KSR2: variants seen among roughly 807,000 people sequenced by gnomAD.
KSR2 encodes the protein kinase suppressor of ras 2.
A neutral mutation model predicts 107.8 loss-of-function variants in KSR2; 25 were observed. That is an observed-to-expected ratio of 0.23 (90% confidence interval 0.17 to 0.32). The LOEUF is 0.32. Among genes scored for constraint, KSR2 ranks in the 10% least tolerant of loss-of-function variants. The pLI is 1.00. For missense variants in KSR2, 887 were observed against 1,268.9 expected (o/e 0.70, Z 4.57); for synonymous variants, 480 against 507.0 (o/e 0.95, Z 0.71).
rs1423039395 is a variant in KSR2 at position 117,476,508 on chromosome 12, C to T, written c.2538G>A (p.Glu846=). 1 of 1,607,790 alleles carries T rather than the reference C, an allele frequency of 6.2e-7. No homozygotes were observed. Among genetic ancestry groups the T allele is most frequent in the South Asian group, 1.1e-5 (1 of 89,236 alleles). ...AGTGCTTGGAGAAGGGGAGCTTATC[C>T]TCCTCTGTGTCGGGGGACAGCTGGC... The part of the protein sequence containing the change: ...IIRQLSPDTE[E]DKLPFSKHSD... The change falls in exon 17 of 20, where the codon GAG becomes GAA. Residue 846 remains glutamate, a synonymous_variant. Transcript: ENST00000339824.
intron 1 of KSR2, among the ~76,000 whole-genome samples, chr12:117,891,870 C>A (rs1262123491): frequency 6.6e-6 from 1 of 151,974 alleles, no homozygotes; most frequent in African/African-American, 2.4e-5. Flanking sequence ...CATGGTGGTG[C>A]ACACCTGTGG....
chr12:117,723,344 T>C (rs947060902), intron 4 of KSR2, among the ~76,000 whole-genome samples: 2 of 152,214 alleles, frequency 1.3e-5, no homozygotes, highest in Non-Finnish European at 2.9e-5. Context: ...TTTAGATTTT[T>C]CAACCAACCC....
intron 1 of KSR2, among the ~76,000 whole-genome samples, chr12:117,880,077 C>T (rs1893978142): frequency 1.3e-5 from 2 of 150,904 alleles, no homozygotes; most frequent in Admixed American, 6.6e-5. Context: ...ACCTGGGAGG[C>T]GGAGGTTGCG....
At chr12:117,850,999 G>A (rs1159574691) in intron 3 of KSR2, among the ~76,000 whole-genome samples, 1 of 152,180 alleles carries the variant, frequency 6.6e-6, no homozygotes, top group African/African-American at 2.4e-5. Flanking sequence ...ATGTTTTTAA[G>A]TGGCACCATC....
intron 4 of KSR2, among the ~76,000 whole-genome samples, chr12:117,742,076 C>T (rs1888238093): frequency 6.6e-6 from 1 of 152,150 alleles, no homozygotes; most frequent in Non-Finnish European, 1.5e-5. Context: ...CTGAGAACAC[C>T]ACTTCGCTTC....
At chr12:117,796,065 C>T (rs1417304546) in intron 3 of KSR2, among the ~76,000 whole-genome samples, 1 of 151,312 alleles carries the variant, frequency 6.6e-6, no homozygotes, top group Non-Finnish European at 1.5e-5. Flanking sequence ...TAGCTGGGAC[C>T]ACAGGTATGT....
In KSR2 at chr12:117,664,652, C is replaced by T. The variant is rs533278947; in HGVS notation, c.1171+2822G>A. ...ACTCAGTGGCTAGACCTCAGAGTCA[C>T]TGAAATGGACCCTCAGGGAGTGCAT... is the stretch of plus-strand genomic sequence containing the variant. On this transcript the variant is annotated intron_variant, in intron 5 of 19. Transcript: ENST00000339824. 9.2e-5 allele frequency among the ~76,000 whole-genome samples: 14 copies of T among 152,238 alleles called. No individual in the cohort carries two copies. The East Asian group carries it at 2.5e-3, about 27-fold the overall frequency.
chr12:117,747,589 T>TTAAAA (rs370596687), intron 4 of KSR2, among the ~76,000 whole-genome samples: 358 of 151,710 alleles, frequency 2.4e-3, no homozygotes, highest in Non-Finnish European at 4.2e-3. Flanking sequence ...ATCCCGGAAC[T>TTAAAA]TAAAATAAAA....
At position 117,897,092 on chromosome 12, in the gene KSR2, A is replaced by T. The variant is rs2137379252; in HGVS notation, c.181-36661T>A. Among the ~76,000 whole-genome samples, 1 of 152,152 alleles carries T rather than the reference A, an allele frequency of 6.6e-6. No homozygotes were observed. Among genetic ancestry groups the T allele is most frequent in the East Asian group, 1.9e-4 (1 of 5,176 alleles). On this transcript the variant is annotated intron_variant, in intron 1 of 19. Coordinates refer to ENST00000339824, the MANE Select transcript of KSR2 (RefSeq NM_173598.6). This position sits in a 1 kb window ranked among gnomAD's most constrained non-coding sequence, Gnocchi z 4.5. ...CTCTCTGCCCTGTTCCTCTTCGCCC[A>T]AGTCTACCGGGACTGATGTTCAGCT...
rs117263270 is a variant in KSR2 at position 117,909,472 on chromosome 12, A to C, written c.181-49041T>G. On this transcript the variant is annotated intron_variant, in intron 1 of 19. Transcript: ENST00000339824. ...ATCCTCCAGCACAATTATCCAAGAT[A>C]TTGTTTACCGAAGTGTGGTATGTGT... 8.7e-3 allele frequency among the ~76,000 whole-genome samples: 1,330 copies of C among 152,302 alleles called. 9 individuals are homozygous for C. Among genetic ancestry groups the C allele is most frequent in the Non-Finnish European group, 0.012 (815 of 68,024 alleles).
In KSR2 at chr12:117,908,947, C is replaced by T. The variant is rs141819261; in HGVS notation, c.181-48516G>A. Among the ~76,000 whole-genome samples the T allele has an allele frequency of 1.8e-3, 267 of 152,204 alleles. 1 individual carries two copies. The highest frequency in any genetic ancestry group is 5.9e-3 in the African/African-American group (247 of 41,524). On this transcript the variant is annotated intron_variant, in intron 1 of 19. Transcript: ENST00000339824. ...AAACCGAAAGTGAGCCTTTGAAGAC[C>T]TCTAGTCCAATCCAATTTTGCAGGT...
At chr12:117,848,155 A>T (rs191054759) in intron 3 of KSR2, among the ~76,000 whole-genome samples, 3 of 152,384 alleles carry the variant, frequency 2.0e-5, no homozygotes, top group Admixed American at 2.0e-4. Flanking sequence ...TATGAGGCTG[A>T]AAACCATCAA....
At chr12:117,777,109 C>T (rs1288195696) in intron 3 of KSR2, among the ~76,000 whole-genome samples, 1,104 of 46,070 alleles carry the variant, frequency 0.024, 20 homozygotes, top group African/African-American at 0.11. Flanking sequence ...TATATATATA[C>T]ACACACACAC....
chr12:117,774,657 G>GA (rs1046177410), intron 3 of KSR2, among the ~76,000 whole-genome samples: 6 of 152,022 alleles, frequency 3.9e-5, no homozygotes, highest in Non-Finnish European at 8.8e-5. Flanking sequence ...CTCTTTTTAA[G>GA]AAAAAATGTA....
chr12:117,726,834 AC>A (rs1410734488), intron 4 of KSR2, among the ~76,000 whole-genome samples: 1 of 152,178 alleles, frequency 6.6e-6, no homozygotes, highest in African/African-American at 2.4e-5. Flanking sequence ...ATATATTTCC[AC>A]AACAACAACA....
At chr12:117,875,333 A>AT (rs56091034) in intron 1 of KSR2, among the ~76,000 whole-genome samples, 24,068 of 137,908 alleles carry the variant, frequency 0.17, 2,551 homozygotes, top group African/African-American at 0.3. Context: ...CTTAGGTGCT[A>AT]TTTTTTTTTT....
At chr12:117,760,471 T>C (rs1888961263) in intron 4 of KSR2, among the ~76,000 whole-genome samples, 1 of 152,266 alleles carries the variant, frequency 6.6e-6, no homozygotes, top group Admixed American at 6.5e-5. Context: ...AATTTTGATA[T>C]ATTGGGTTGA....
At chr12:117,789,601 C>A (rs1890189114) in intron 3 of KSR2, among the ~76,000 whole-genome samples, 1 of 152,186 alleles carries the variant, frequency 6.6e-6, no homozygotes, top group African/African-American at 2.4e-5. Context: ...TTTAAGCCCA[C>A]GTTTGGATCT....
chr12:117,916,019 C>T (rs1389367310), intron 1 of KSR2, among the ~76,000 whole-genome samples: 1 of 151,942 alleles, frequency 6.6e-6, no homozygotes, highest in Non-Finnish European at 1.5e-5. Flanking sequence ...TTCTGATATC[C>T]TCATTCATGC....
Sources: gnomAD v4.1 joint callset for allele counts (sites outside exome capture counted in the v4.1 genomes callset) on GRCh38, gnomAD v4.1.1 for gene constraint, Gnocchi (gnomAD v3.1) non-coding constraint, MANE v1.5 for transcripts, NCBI Gene and HGNC (gene_info 2026-07-23, HGNC 2026-07-21) for gene names.